Variants in ATXN1 observed in about 807,000 individuals in gnomAD.
ATXN1 encodes ataxin 1.
In ATXN1, 8 loss-of-function variants were observed where a neutral mutation model predicts 56.4. The observed-to-expected ratio is 0.14, with a 90% CI of 0.08 to 0.26. The LOEUF is 0.26. Among genes scored for constraint, ATXN1 ranks in the 10% least tolerant of loss-of-function variants. The pLI is 1.00. For synonymous variants in ATXN1, 514 were observed against 494.6 expected, an observed-to-expected ratio of 1.04 and a Z score of -0.52; for missense variants, 987 against 1,106.5, an observed-to-expected ratio of 0.89 and a Z score of 1.53.
rs898227961 is a variant in ATXN1 at position 16,499,556 on chromosome 6, T to C, written c.-298-13447A>G. Among the ~76,000 whole-genome samples, 81 of 152,320 alleles carry C rather than the reference T, an allele frequency of 5.3e-4. 1 individual carries two copies. The highest frequency in any genetic ancestry group is 4.5e-3 in the Admixed American group (69 of 15,294). ...AAAAGCAACAGTAGCTTGAAATTGC[T>C]GACTTTGGGTTGCATTTGCCTCTGT... On this transcript the variant is annotated intron_variant, in intron 5 of 7. Transcript: ENST00000436367.
At chr6:16,684,947 A>G (rs1379496185) in intron 2 of ATXN1, among the ~76,000 whole-genome samples, 1 of 152,094 alleles carries the variant, frequency 6.6e-6, no homozygotes, top group African/African-American at 2.4e-5. Flanking sequence ...CAGAAGCACA[A>G]GTGAGTGAAA....
At chr6:16,391,261 T>TA (rs539647958) in intron 6 of ATXN1, among the ~76,000 whole-genome samples, 2,090 of 151,282 alleles carry the variant, frequency 0.014, 29 homozygotes, top group South Asian at 0.032. Flanking sequence ...TATTTTTTTT[T>TA]AAAAAAAAGA....
rs150705181 is a variant in ATXN1, at chr6:16,591,720, C to G, written c.-488-5813G>C. Among the ~76,000 whole-genome samples the G allele has an allele frequency of 4.5e-3, 687 of 152,232 alleles. 5 individuals carry two copies. The highest frequency in any genetic ancestry group is 0.015 in the South Asian group (70 of 4,812). On this transcript the variant is annotated intron_variant, in intron 3 of 7. Transcript: ENST00000436367. The stretch of plus-strand genomic sequence containing the variant: ...AGCGAGGTCTCTGTATTTTTCATAA[C>G]AAACTGCACAATTCTTTGCACAGAA...
At chr6:16,331,974 C>T (rs1581695303) in intron 6 of ATXN1, among the ~76,000 whole-genome samples, 1 of 152,228 alleles carries the variant, frequency 6.6e-6, no homozygotes, top group Admixed American at 6.5e-5. Flanking sequence ...GACATATTGG[C>T]CTTAACACAC....
intron 2 of ATXN1, among the ~76,000 whole-genome samples, chr6:16,681,988 C>T (rs1395555689): frequency 6.6e-6 from 1 of 152,136 alleles, no homozygotes; most frequent in African/African-American, 2.4e-5. Flanking sequence ...CCCCCTGAAC[C>T]AGAAGCGAAT....
At chr6:16,607,872 A>G (rs1763038680) in intron 3 of ATXN1, among the ~76,000 whole-genome samples, 1 of 152,222 alleles carries the variant, frequency 6.6e-6, no homozygotes, top group South Asian at 2.1e-4. Context: ...CATCCGAGGA[A>G]AAAGACGTGC....
chr6:16,651,327 G>A (rs1487638196), intron 3 of ATXN1, among the ~76,000 whole-genome samples: 3 of 152,172 alleles, frequency 2.0e-5, no homozygotes, highest in Admixed American at 2.0e-4. Context: ...GGCGGATCAT[G>A]AGGTCAGGAG....
chr6:16,484,916 CTGAGT>C (rs545275146), intron 6 of ATXN1, among the ~76,000 whole-genome samples: 206 of 148,596 alleles, frequency 1.4e-3, no homozygotes, highest in African/African-American at 4.5e-3. Context: ...AGTTTTCTGG[CTGAGT>C]TAAGAAGCTG....
chr6:16,632,786 G>A (rs941643936), intron 3 of ATXN1, among the ~76,000 whole-genome samples: 3 of 152,136 alleles, frequency 2.0e-5, no homozygotes, highest in African/African-American at 7.2e-5. Flanking sequence ...AGGAGGCAGA[G>A]GTGAATGGAT....
At chr6:16,342,858 G>T (rs1761285961) in intron 6 of ATXN1, among the ~76,000 whole-genome samples, 1 of 152,236 alleles carries the variant, frequency 6.6e-6, no homozygotes, top group Non-Finnish European at 1.5e-5. Flanking sequence ...GCGTTAGCAG[G>T]AGCTGGGAGG....
intron 6 of ATXN1, among the ~76,000 whole-genome samples, chr6:16,454,021 G>T (rs1432897909): frequency 6.8e-6 from 1 of 146,344 alleles, no homozygotes. Context: ...GCACGTGCCT[G>T]TAATTCCAGC....
chr6:16,300,383 AAGTT>A lies in ATXN1; in HGVS notation c.*5942_*5945del, dbSNP rs1345449117. ...TTCCCTCCCGCCATTACACAGGAGA[AAGTT>A]AGCTACCAGAACAGTTGCCTTCAAC... On this transcript the variant is annotated 3_prime_UTR_variant, in exon 8 of 8. Coordinates refer to ENST00000436367, the MANE Select transcript of ATXN1 (RefSeq NM_001128164.2). 9 of 152,758 alleles carry A rather than the reference AAGTT, an allele frequency of 5.9e-5. No individual in the cohort carries two copies. Among genetic ancestry groups the A allele is most frequent in the African/African-American group, 2.2e-4 (9 of 41,592 alleles). 9.5% of individuals were successfully genotyped at this position (152,758 alleles called of 1,614,324 possible).
intron 6 of ATXN1, among the ~76,000 whole-genome samples, chr6:16,442,617 C>A (rs1251364609): frequency 1.3e-5 from 2 of 152,042 alleles, no homozygotes; most frequent in South Asian, 4.1e-4. Context: ...AGAAAGGGTA[C>A]TAAGAATTTC....
chr6:16,382,388 A>C (rs1402606794), intron 6 of ATXN1, among the ~76,000 whole-genome samples: 1 of 151,806 alleles, frequency 6.6e-6, no homozygotes, highest in African/African-American at 2.4e-5. Context: ...ACTTGGGCCC[A>C]GAAGTTTGAG....
intron 6 of ATXN1, among the ~76,000 whole-genome samples, chr6:16,396,368 C>T (rs980135366): frequency 1.3e-5 from 2 of 151,982 alleles, no homozygotes; most frequent in Non-Finnish European, 2.9e-5. Context: ...TGGCTTGAGC[C>T]CGGGTGCGCG....
intron 4 of ATXN1, among the ~76,000 whole-genome samples, chr6:16,545,485 G>A (rs1761797819): frequency 6.6e-6 from 1 of 151,958 alleles, no homozygotes; most frequent in South Asian, 2.1e-4. Flanking sequence ...GTAATCACTG[G>A]AACCACAAGT....
intron 5 of ATXN1, among the ~76,000 whole-genome samples, chr6:16,508,715 G>A (rs1353341379): frequency 1.3e-5 from 2 of 152,142 alleles, no homozygotes. Context: ...CGATACAGCA[G>A]TTCATAAAAA....
At chr6:16,409,266 T>A (rs434905) in intron 6 of ATXN1, among the ~76,000 whole-genome samples, 62,905 of 151,294 alleles carry the variant, frequency 0.42, 14,404 homozygotes, top group East Asian at 0.93. Context: ...TCCACACAAT[T>A]GCCTTAGCGT....
At chr6:16,704,714 G>A (rs1388042738) in intron 2 of ATXN1, among the ~76,000 whole-genome samples, 1 of 152,164 alleles carries the variant, frequency 6.6e-6, no homozygotes, top group Non-Finnish European at 1.5e-5. Context: ...CCCAAACAAG[G>A]GGGCTGCTGG....
Sources: allele counts gnomAD v4.1 joint callset (sites outside exome capture counted in the v4.1 genomes callset), GRCh38; gene constraint gnomAD v4.1.1; transcripts MANE v1.5; gene names NCBI Gene and HGNC (gene_info 2026-07-23, HGNC 2026-07-21).